The following CDH5 variants were observed in gnomAD, a reference collection of about 807,000 sequenced individuals.
CDH5 encodes the protein cadherin-5.
Under a neutral mutation model 62.0 loss-of-function variants are expected in CDH5, and 28 were observed. That is an observed-to-expected ratio of 0.45 (90% CI 0.33 to 0.62). CDH5 has a LOEUF of 0.62. Among genes scored for constraint, CDH5 ranks in the 20% least tolerant of loss-of-function variants. The pLI is 0.02. For missense variants in CDH5, 940 were observed against 1,065.1 expected, an observed-to-expected ratio of 0.88 and a Z score of 1.63; for synonymous variants, 464 against 445.8, an observed-to-expected ratio of 1.04 and a Z score of -0.52.
At chr16:66,401,578 G>T (rs1213310366) in intron 11 of CDH5, among the ~76,000 whole-genome samples, 1 of 152,162 alleles carries the variant, frequency 6.6e-6, no homozygotes, top group African/African-American at 2.4e-5. Context: ...AGCAGCCCTG[G>T]GATGAGGATT....
chr16:66,401,569 G>A (rs1189934670), intron 11 of CDH5, among the ~76,000 whole-genome samples: 1 of 152,178 alleles, frequency 6.6e-6, no homozygotes, highest in African/African-American at 2.4e-5. Context: ...TTCCCAGGGA[G>A]CAGCCCTGGG....
At chr16:66,395,540 CTGTT>C (rs1961168790) in intron 7 of CDH5, 1 of 30,054 alleles carries the variant, frequency 3.3e-5, no homozygotes, top group Non-Finnish European at 6.8e-5. Flanking sequence ...TTCTTCTGTT[CTGTT>C]TGTTCTGGGA....
intron 7 of CDH5, chr16:66,395,511 T>TC (rs1961166844): frequency 6.8e-6 from 1 of 147,008 alleles, no homozygotes; most frequent in South Asian, 2.1e-4. Context: ...TTCTTTTTTT[T>TC]TTTTTTTTTT....
Position 66,398,550 on chromosome 16 carries a change from C to A in CDH5, c.1580C>A (p.Thr527Lys). ...AATACTGAGAACAACTTTACCCTCACGGATAATCACGGTAGGCATCAAAGT... is the reference window on the plus strand; with the variant it reads ...AATACTGAGAACAACTTTACCCTCAAGGATAATCACGGTAGGCATCAAAGT... ...ILNTENNFTLTDNHDNTANIT... is the reference protein window; with the variant it reads ...ILNTENNFTLKDNHDNTANIT... The change falls in exon 10 of 12, where the codon ACG (threonine) becomes AAG (lysine). Residue 527 changes from threonine to lysine, a missense_variant. Thr to Lys is a moderately conservative substitution (Grantham distance 78). Transcript: ENST00000341529. 1.3e-6 allele frequency: 2 copies of A among 1,525,852 alleles called. No homozygotes were observed. Among genetic ancestry groups the A allele is most frequent in the Non-Finnish European group, 1.8e-6 (2 of 1,099,472 alleles). 94.5% of individuals were successfully genotyped at this position (1,525,852 alleles called of 1,614,324 possible). A position where few individuals can be genotyped will look rare whatever the true frequency, so the allele number is the denominator to read the frequency against.
intron 1 of CDH5, among the ~76,000 whole-genome samples, chr16:66,378,993 G>A (rs2142314498): frequency 6.6e-6 from 1 of 152,350 alleles, no homozygotes; most frequent in East Asian, 1.9e-4. Context: ...CTTCTTGAAA[G>A]GTCAGAAGGT....
intron 1 of CDH5, among the ~76,000 whole-genome samples, chr16:66,373,433 A>C (rs1960728859): frequency 6.8e-6 from 1 of 146,818 alleles, no homozygotes; most frequent in Non-Finnish European, 1.5e-5. Context: ...TTTTGAGACG[A>C]AGTCTTGCTC....
chr16:66,375,709 C>G (rs946136576), intron 1 of CDH5, among the ~76,000 whole-genome samples: 1 of 151,806 alleles, frequency 6.6e-6, no homozygotes, highest in African/African-American at 2.4e-5. Flanking sequence ...AAACACCGTA[C>G]ACTTAGCTTC....
chr16:66,374,067 A>C (rs1037006580), intron 1 of CDH5, among the ~76,000 whole-genome samples: 31 of 152,196 alleles, frequency 2.0e-4, no homozygotes, highest in African/African-American at 7.2e-4. Context: ...GCCTCCGGCT[A>C]TGTGAACTGA....
chr16:66,384,115 C>T (rs920229865), intron 2 of CDH5, among the ~76,000 whole-genome samples: 4 of 119,022 alleles, frequency 3.4e-5, no homozygotes, highest in Admixed American at 1.1e-4. Flanking sequence ...GTCTGAGTCT[C>T]GCTCTGTCAC....
At chr16:66,396,236 T>C in intron 8 of CDH5, 35 bp downstream of exon 8, 1 of 1,612,312 alleles carries the variant, frequency 6.2e-7, no homozygotes, top group Non-Finnish European at 8.5e-7. Flanking sequence ...ACCTGGATTC[T>C]TTTCCTTTTC....
chr16:66,398,531 G>A lies in CDH5; in HGVS notation c.1561G>A (p.Glu521Lys). 6.3e-7 allele frequency: 1 copy of A among 1,593,090 alleles called. No homozygotes were observed. Residue 521 changes from glutamate (E) to lysine (K), a missense_variant, in exon 10 of 12, where the codon GAG (glutamate) becomes AAG (lysine). Coordinates refer to ENST00000341529, the MANE Select transcript of CDH5 (RefSeq NM_001795.5). ...GAAGTTCAAATTCATCTTGAATACTGAGAACAACTTTACCCTCACGGATAA... is the reference window on the plus strand; with the variant it reads ...GAAGTTCAAATTCATCTTGAATACTAAGAACAACTTTACCCTCACGGATAA... The part of the protein sequence containing the change: ...NVKFKFILNT[E>K]NNFTLTDNHD...
chr16:66,387,652 C>G (rs531521574), intron 3 of CDH5, among the ~76,000 whole-genome samples: 52 of 152,378 alleles, frequency 3.4e-4, no homozygotes, highest in African/African-American at 1.3e-3. Flanking sequence ...ACAAACTTCA[C>G]TCACTTCCTC....
chr16:66,383,544 G>A (rs934552648), intron 2 of CDH5, among the ~76,000 whole-genome samples: 1 of 151,932 alleles, frequency 6.6e-6, no homozygotes, highest in African/African-American at 2.4e-5. Flanking sequence ...CTGCCCTGGT[G>A]GGTCCTAACA....
At chr16:66,373,796 A>T (rs1960735415) in intron 1 of CDH5, among the ~76,000 whole-genome samples, 1 of 152,148 alleles carries the variant, frequency 6.6e-6, no homozygotes. Flanking sequence ...TAGGATTTAG[A>T]AAAAGATCGA....
At position 66,371,159 on chromosome 16, in the gene CDH5, C is replaced by T. The variant is rs369201953; in HGVS notation, c.-20+4401C>T. Reference sequence around the variant, plus strand: ...CCTTCATCCTCCCAAAGTCTGTGGCCGCCAATACGCAACTTTAAATGCCTG... The same window carrying T: ...CCTTCATCCTCCCAAAGTCTGTGGCTGCCAATACGCAACTTTAAATGCCTG... On this transcript the variant is annotated intron_variant, in intron 1 of 11. Transcript: ENST00000341529. Among the ~76,000 whole-genome samples, 530 of 152,252 alleles carry T rather than the reference C, an allele frequency of 3.5e-3. 2 individuals are homozygous for T. Among genetic ancestry groups the T allele is most frequent in the African/African-American group, 0.012 (510 of 41,546 alleles).
At position 66,392,202 on chromosome 16, in the gene CDH5, C is replaced by T. The variant is rs775280866; in HGVS notation, c.1036C>T (p.Leu346Phe). 2.5e-6 allele frequency: 4 copies of T among 1,614,012 alleles called. No individual in the cohort carries two copies. The highest frequency in any genetic ancestry group is 2.5e-6 in the Non-Finnish European group (3 of 1,180,016). The change falls in exon 7 of 12, where the codon CTC (leucine) becomes TTC (phenylalanine). Residue 346 changes from leucine (L) to phenylalanine (F), a missense_variant. Physicochemically the swap from Leu to Phe is conservative, Grantham distance 22. Coordinates refer to ENST00000341529, the MANE Select transcript of CDH5 (RefSeq NM_001795.5). ...IVEATDPTID[L>F]RYMSPPAGNR... ...CGAGGCCACAGACCCCACCATCGACCTCCGATACATGAGCCCTCCCGCGGG... is the reference window on the plus strand; with the variant it reads ...CGAGGCCACAGACCCCACCATCGACTTCCGATACATGAGCCCTCCCGCGGG...
rs1405657890 is a variant in CDH5, at chr16:66,395,991, C to T, written c.1218-68C>T. The T allele has an allele frequency of 2.0e-6, 3 of 1,517,990 alleles. No homozygotes were observed. In the African/African-American group the frequency reaches 4.2e-5, roughly 21 times the overall value. The allele number at this position is 1,517,990 out of a possible 1,614,324, so 94.0% of individuals were successfully genotyped here. A position where few individuals can be genotyped will look rare whatever the true frequency, so the allele number is the denominator to read the frequency against. ...GGGACAGATGCAGAAGGGCCTTGTC[C>T]ATCATGCTGAGGAGTGTAGACTCAG... On this transcript the variant is annotated intron_variant, in intron 7 of 11. Transcript: ENST00000341529.
In CDH5 at chr16:66,392,131, C is replaced by G; in HGVS notation, c.970-5C>G. On this transcript the variant is annotated splice_region_variant and splice_polypyrimidine_tract_variant and intron_variant, in intron 6 of 11. Coordinates refer to ENST00000341529, the MANE Select transcript of CDH5 (RefSeq NM_001795.5). The stretch of plus-strand genomic sequence containing the variant: ...AGGCACTCACCATCCTTTTTCCTTA[C>G]GCAGCCTCTGGATTATGAATACATC... 6.2e-7 allele frequency: 1 copy of G among 1,614,042 alleles called. No homozygotes were observed. Among genetic ancestry groups the G allele is most frequent in the Non-Finnish European group, 8.5e-7 (1 of 1,179,974 alleles).
intron 1 of CDH5, chr16:66,377,844 C>A (rs1302398051): frequency 1.3e-5 from 2 of 152,232 alleles, no homozygotes; most frequent in African/African-American, 2.4e-5. Context: ...AACCCCTGTT[C>A]CTGGAATTCA....
Sources: gnomAD v4.1 joint callset for allele counts (sites outside exome capture counted in the v4.1 genomes callset) on GRCh38, gnomAD v4.1.1 for gene constraint, MANE v1.5 for transcripts, NCBI Gene and HGNC (gene_info 2026-07-23, HGNC 2026-07-21) for gene names.